TMEM53: variants seen among roughly 807,000 people sequenced by gnomAD.
TMEM53 encodes transmembrane protein 53, also known as novel DUF829 domain-containing protein.
Under a neutral mutation model 21.4 loss-of-function variants are expected in TMEM53, and 14 were observed. The ratio of observed to expected loss-of-function variants is 0.65; its 90% confidence interval spans 0.43 to 1.02. TMEM53 has a LOEUF of 1.02. Among genes scored for constraint, TMEM53 ranks in the 50% least tolerant of loss-of-function variants. TMEM53 has a pLI of 0.00. For synonymous variants in TMEM53, 148 were observed against 157.4 expected (o/e 0.94, Z 0.45); for missense variants, 323 against 383.6 (o/e 0.84, Z 1.32).
At position 44,654,107 on chromosome 1, in the gene TMEM53, A is replaced by C. The variant is rs1402596979; in HGVS notation, c.*452T>G. 6.5e-6 allele frequency: 1 copy of C among 154,342 alleles called. No individual in the cohort carries two copies. Among genetic ancestry groups the C allele is most frequent in the African/African-American group, 2.4e-5 (1 of 41,454 alleles). 9.6% of individuals were successfully genotyped at this position (154,342 alleles called of 1,614,324 possible). Reference sequence around the variant, plus strand: ...GCACCATTGCACCCCAGCCTAGGTGACAGAGTGAGACCCTGTCTTGAAATA... The same window carrying C: ...GCACCATTGCACCCCAGCCTAGGTGCCAGAGTGAGACCCTGTCTTGAAATA... On this transcript the variant is annotated 3_prime_UTR_variant, in exon 3 of 3. Transcript: ENST00000372237. The surrounding 1 kb of genome is among the most constrained non-coding windows in gnomAD (Gnocchi z 7.0).
At chr1:44,673,802 A>C in intron 1 of TMEM53, 1 of 969,800 alleles carries the variant, frequency 1.0e-6, no homozygotes, top group Non-Finnish European at 1.2e-6. Flanking sequence ...AGGAGTCAGG[A>C]TTTCAGTCGA....
intron 1 of TMEM53, among the ~76,000 whole-genome samples, chr1:44,667,392 T>C (rs1963490): frequency 0.56 from 83,611 of 149,906 alleles, 23,810 homozygotes; most frequent in Middle Eastern, 0.63. Context: ...ACTACAACCT[T>C]CGCCTTCCAG....
Position 44,655,959 on chromosome 1 carries a change from G to A in TMEM53, c.184-750C>T, listed in dbSNP as rs920878879. Among the ~76,000 whole-genome samples, 1 of 152,094 alleles carries A rather than the reference G, an allele frequency of 6.6e-6. No individual in the cohort carries two copies. Among genetic ancestry groups the A allele is most frequent in the Non-Finnish European group, 1.5e-5 (1 of 68,014 alleles). ...ATAATCTGGGCCCAAACTCCCTCTA[G>A]GTTTCTATATTCCTCACGCTTGGGC... On this transcript the variant is annotated intron_variant, in intron 2 of 2. Transcript: ENST00000372237. The surrounding 1 kb of genome is among the most constrained non-coding windows in gnomAD (Gnocchi z 4.4).
At chr1:44,667,309 TTTG>T (rs1238509428) in intron 1 of TMEM53, among the ~76,000 whole-genome samples, 92 of 149,000 alleles carry the variant, frequency 6.2e-4, no homozygotes, top group Admixed American at 1.7e-3. Flanking sequence ...GCACACTTTT[TTTG>T]TTGTTTTTTT....
chr1:44,655,246 G>A lies in TMEM53; in HGVS notation c.184-37C>T, dbSNP rs1644839380. 1.9e-6 allele frequency: 3 copies of A among 1,546,898 alleles called. No homozygotes were observed. Among genetic ancestry groups the A allele is most frequent in the Non-Finnish European group, 2.6e-6 (3 of 1,146,930 alleles). Reference sequence around the variant, plus strand: ...GGCCTGGTCAGTCCTCACAGATGAGGTGGGGGTAGTGGGTACAAGCTAAGG... The same window carrying A: ...GGCCTGGTCAGTCCTCACAGATGAGATGGGGGTAGTGGGTACAAGCTAAGG... On this transcript the variant is annotated intron_variant, in intron 2 of 2. Transcript: ENST00000372237. This position sits in a 1 kb window ranked among gnomAD's most constrained non-coding sequence, Gnocchi z 4.4.
At chr1:44,656,596 C>CA (rs1202684492) in intron 2 of TMEM53, among the ~76,000 whole-genome samples, 1 of 152,176 alleles carries the variant, frequency 6.6e-6, no homozygotes, top group Non-Finnish European at 1.5e-5. Context: ...TCCCTGGCAG[C>CA]ATCTGGAATC....
At chr1:44,674,250 G>C in intron 1 of TMEM53, 81 bp downstream of exon 1, 2 of 1,516,788 alleles carry the variant, frequency 1.3e-6, no homozygotes, top group Non-Finnish European at 1.8e-6. Flanking sequence ...GCCGCATGAG[G>C]GGCGGGGCTA....
Position 44,655,356 on chromosome 1 carries a change from T to A in TMEM53, c.184-147A>T. 1.3e-6 allele frequency: 1 copy of A among 797,122 alleles called. No individual in the cohort carries two copies. The allele number at this position is 797,122 out of a possible 1,614,324, so 49.4% of individuals were successfully genotyped here. A position where few individuals can be genotyped will look rare whatever the true frequency, so the allele number is the denominator to read the frequency against. On this transcript the variant is annotated intron_variant, in intron 2 of 2. Coordinates refer to ENST00000372237, the MANE Select transcript of TMEM53 (RefSeq NM_024587.4). The surrounding 1 kb of genome is among the most constrained non-coding windows in gnomAD (Gnocchi z 4.4). ...CAATGCTCTGGGTCCTGCTTCAGCCTGAGCCCACCAGCCCGCTGCCCACAG... is the reference window on the plus strand; with the variant it reads ...CAATGCTCTGGGTCCTGCTTCAGCCAGAGCCCACCAGCCCGCTGCCCACAG...
intron 1 of TMEM53, 81 bp from the exon 2 acceptor site, chr1:44,660,376 C>A: frequency 6.6e-7 from 1 of 1,510,270 alleles, no homozygotes; most frequent in South Asian, 1.3e-5. Flanking sequence ...CAGCAGCACT[C>A]CGGCTGCTGC....
intron 2 of TMEM53, among the ~76,000 whole-genome samples, chr1:44,657,490 T>G (rs990059382): frequency 6.6e-6 from 1 of 152,080 alleles, no homozygotes; most frequent in African/African-American, 2.4e-5. Context: ...ATACACTAAG[T>G]GTAAATAGAG....
intron 1 of TMEM53, among the ~76,000 whole-genome samples, chr1:44,660,990 C>CA (rs900914584): frequency 6.6e-6 from 1 of 150,446 alleles, no homozygotes; most frequent in Non-Finnish European, 1.5e-5. Flanking sequence ...AAAAAAAAAT[C>CA]AAAAGAATAT....
At chr1:44,671,089 C>A (rs1344408079) in intron 1 of TMEM53, among the ~76,000 whole-genome samples, 1 of 152,160 alleles carries the variant, frequency 6.6e-6, no homozygotes, top group Admixed American at 6.5e-5. Flanking sequence ...AACACGACAA[C>A]AGGAAAATAT....
At chr1:44,663,246 G>GTTA (rs987487114) in intron 1 of TMEM53, among the ~76,000 whole-genome samples, 48 of 152,028 alleles carry the variant, frequency 3.2e-4, no homozygotes, top group East Asian at 5.8e-4. Context: ...TGTTGTTGTT[G>GTTA]TTGTTGTTGT....
At chr1:44,668,308 G>A (rs1434461878) in intron 1 of TMEM53, among the ~76,000 whole-genome samples, 1 of 152,066 alleles carries the variant, frequency 6.6e-6, no homozygotes, top group Admixed American at 6.5e-5. Context: ...GAGCGTGGTG[G>A]CGGGCGCCTA....
intron 1 of TMEM53, among the ~76,000 whole-genome samples, chr1:44,670,821 A>G (rs981651596): frequency 2.0e-5 from 3 of 152,188 alleles, no homozygotes; most frequent in Admixed American, 1.3e-4. Context: ...TCTATGAATG[A>G]ATTTTTCTTT....
At position 44,674,386 on chromosome 1, in the gene TMEM53, G is replaced by C. The variant is rs748134584; in HGVS notation, c.6C>G (p.Ala2=). Residue 2 remains alanine (A), a synonymous_variant, in exon 1 of 3, where the codon GCC becomes GCG. Coordinates refer to ENST00000372237, the MANE Select transcript of TMEM53 (RefSeq NM_024587.4). M[A]SAELDYTIEI... is the part of the protein sequence containing the mutation. ...CGATGGTGTAGTCCAGCTCTGCCGAGGCCATGGTGAAGGCGCCGGCCCAGA... is the reference window on the plus strand; with the variant it reads ...CGATGGTGTAGTCCAGCTCTGCCGACGCCATGGTGAAGGCGCCGGCCCAGA... 1.9e-6 allele frequency: 3 copies of C among 1,611,408 alleles called. No homozygotes were observed. The East Asian group carries it at 6.7e-5, about 36-fold the overall frequency.
intron 2 of TMEM53, among the ~76,000 whole-genome samples, chr1:44,656,370 G>GA (rs1036922453): frequency 2.1e-4 from 32 of 152,206 alleles, no homozygotes; most frequent in Admixed American, 8.5e-4. Context: ...ATGTGGTAGT[G>GA]ACAAGGAGAA....
In TMEM53 at chr1:44,654,677, C is replaced by T; in HGVS notation, c.716G>A (p.Arg239Gln). Residue 239 changes from arginine to glutamine, a missense_variant, in exon 3 of 3, where the codon CGG becomes CAG. By Grantham distance (43) the Arg-to-Gln change is conservative. Coordinates refer to ENST00000372237, the MANE Select transcript of TMEM53 (RefSeq NM_024587.4). This position sits in a 1 kb window ranked among gnomAD's most constrained non-coding sequence, Gnocchi z 7.0. ...ERMVEARLAR[R>Q]VLARSVDFVS... Reference sequence around the variant, plus strand: ...GAAATCCACAGAACGCGCCAGGACCCGGCGTGCCAGGCGTGCCTCCACCAT... The same window carrying T: ...GAAATCCACAGAACGCGCCAGGACCTGGCGTGCCAGGCGTGCCTCCACCAT... 2.5e-6 allele frequency: 4 copies of T among 1,614,154 alleles called. No homozygotes were observed. The South Asian group carries it at 3.3e-5, about 13-fold the overall frequency.
intron 1 of TMEM53, among the ~76,000 whole-genome samples, chr1:44,671,896 T>C (rs1645005262): frequency 1.3e-5 from 2 of 152,148 alleles, no homozygotes; most frequent in South Asian, 4.1e-4. Context: ...GCCACTGCAC[T>C]CCAGCCTGGG....
Sources: gnomAD v4.1 joint callset for allele counts (sites outside exome capture counted in the v4.1 genomes callset) on GRCh38, gnomAD v4.1.1 for gene constraint, Gnocchi (gnomAD v3.1) non-coding constraint, MANE v1.5 for transcripts, NCBI Gene and HGNC (gene_info 2026-07-23, HGNC 2026-07-21) for gene names.